Variants in USP32 observed in about 807,000 individuals in gnomAD.
USP32 encodes ubiquitin carboxyl-terminal hydrolase 32.
In USP32, 59 loss-of-function variants were observed where a neutral mutation model predicts 204.8. The ratio of observed to expected loss-of-function variants is 0.29; its 90% CI spans 0.23 to 0.36. The LOEUF is 0.36. Ranked by LOEUF, USP32 falls within the 10% of genes least tolerant of loss-of-function variation. USP32 has a pLI of 1.00. For missense variants in USP32, 1,160 were observed against 1,946.4 expected, an observed-to-expected ratio of 0.60 and a Z score of 7.60; for synonymous variants, 517 against 678.4, an observed-to-expected ratio of 0.76 and a Z score of 3.70.
intron 1 of USP32, among the ~76,000 whole-genome samples, chr17:60,409,405 C>T (rs906209186): frequency 4.6e-5 from 7 of 152,220 alleles, no homozygotes; most frequent in African/African-American, 1.4e-4. Context: ...CCTCTATGCA[C>T]GTCGGGCAGT....
chr17:60,223,512 G>C lies in USP32; in HGVS notation c.1507C>G (p.Gln503Glu). ...TTCCCATTGGCTCCCAGCAAACACT[G>C]GTTGTTATTGTCAGAAGTGTTATGT... ...RQHNTSDNNN[Q>E]CLLGANGNIL... The change falls in exon 14 of 34, where the codon CAG becomes GAG. Residue 503 changes from glutamine (Q) to glutamate (E), a missense_variant. Around this residue, in one of 8 missense-constraint regions of USP32, gnomAD observed 536 missense variants for 680.9 expected, o/e 0.79. Coordinates refer to ENST00000300896, the MANE Select transcript of USP32 (RefSeq NM_032582.4). The C allele has an allele frequency of 6.2e-7, 1 of 1,613,860 alleles. No homozygotes were observed. Among genetic ancestry groups the C allele is most frequent in the South Asian group, 1.1e-5 (1 of 91,030 alleles).
chr17:60,277,079 T>C (rs1034530837), intron 5 of USP32, among the ~76,000 whole-genome samples: 1 of 152,126 alleles, frequency 6.6e-6, no homozygotes, highest in African/African-American at 2.4e-5. Flanking sequence ...GTAGTTACTC[T>C]TTCTATTTGC....
intron 21 of USP32, among the ~76,000 whole-genome samples, 180 bp from the exon 22 acceptor site, chr17:60,209,723 A>AT (rs200079824): frequency 6.7e-6 from 1 of 150,358 alleles, no homozygotes; most frequent in African/African-American, 2.5e-5. Context: ...ATGTCAAATG[A>AT]CCCCCCCCAA....
At chr17:60,387,459 C>A (rs1049698811) in intron 1 of USP32, among the ~76,000 whole-genome samples, 1 of 152,192 alleles carries the variant, frequency 6.6e-6, no homozygotes, top group Non-Finnish European at 1.5e-5. Context: ...CAGAGACACC[C>A]ATACACACTC....
intron 1 of USP32, among the ~76,000 whole-genome samples, chr17:60,401,138 A>C (rs2089931664): frequency 6.6e-6 from 1 of 151,782 alleles, no homozygotes; most frequent in Non-Finnish European, 1.5e-5. Flanking sequence ...CCTGGGTGAC[A>C]GAAACAGAGC....
At chr17:60,377,884 A>C (rs990921185) in intron 1 of USP32, among the ~76,000 whole-genome samples, 1 of 152,228 alleles carries the variant, frequency 6.6e-6, no homozygotes. Context: ...CACAATCTGT[A>C]ACATTGTTTA....
At chr17:60,360,856 C>T (rs540676792) in intron 1 of USP32, among the ~76,000 whole-genome samples, 2 of 151,892 alleles carry the variant, frequency 1.3e-5, no homozygotes, top group African/African-American at 4.8e-5. Context: ...AGGCCGGGCG[C>T]GGTGGCTCAC....
rs142906462 is a variant in USP32 at position 60,259,601 on chromosome 17, T to C, written c.991-4343A>G. On this transcript the variant is annotated intron_variant, in intron 9 of 33. Transcript: ENST00000300896. ...TTACCATAAAATAACAAGTATGCAA[T>C]GATCATACAAATGCATGATAATAAA... Among the ~76,000 whole-genome samples, 649 of 152,294 alleles carry C rather than the reference T, an allele frequency of 4.3e-3. 5 individuals carry two copies. Among genetic ancestry groups the C allele is most frequent in the Non-Finnish European group, 6.9e-3 (467 of 68,032 alleles).
At position 60,398,765 on chromosome 17, in the gene USP32, G is replaced by A. The variant is rs144928841; in HGVS notation, c.106+23481C>T. ...GGCTGAGGCAAGAGGATTGATTGAG[G>A]TCAGGAGTTCAAGAACAGCCTGGGC... On this transcript the variant is annotated intron_variant, in intron 1 of 3. Coordinates refer to the USP32 transcript ENST00000588898. 3.5e-3 allele frequency among the ~76,000 whole-genome samples: 533 copies of A among 151,488 alleles called. 3 individuals are homozygous for A. The highest frequency in any genetic ancestry group is 0.012 in the African/African-American group (488 of 41,230).
intron 13 of USP32, among the ~76,000 whole-genome samples, chr17:60,224,572 G>C (rs1205324844): frequency 1.3e-5 from 2 of 152,132 alleles, no homozygotes; most frequent in Non-Finnish European, 2.9e-5. Flanking sequence ...ACTGCTTGAA[G>C]CCAGAAGACT....
chr17:60,335,139 A>AT (rs1430228622), intron 2 of USP32, among the ~76,000 whole-genome samples: 2 of 141,072 alleles, frequency 1.4e-5, no homozygotes, highest in East Asian at 2.0e-4. Context: ...CACCCAGCTA[A>AT]TTTTTTTTAT....
intron 1 of USP32, among the ~76,000 whole-genome samples, chr17:60,375,596 T>C (rs1368098167): frequency 6.7e-6 from 1 of 150,024 alleles, no homozygotes; most frequent in Non-Finnish European, 1.5e-5. Flanking sequence ...TTCTGGTGTT[T>C]TGTTGTTGTT....
At chr17:60,370,265 C>G (rs2089411225) in intron 1 of USP32, among the ~76,000 whole-genome samples, 1 of 151,712 alleles carries the variant, frequency 6.6e-6, no homozygotes, top group African/African-American at 2.4e-5. Context: ...ATGACAACAA[C>G]AAAGGACAAA....
rs537317501 is a variant in USP32 at position 60,247,350 on chromosome 17, T to C, written c.1136+5031A>G. 2.3e-3 allele frequency among the ~76,000 whole-genome samples: 352 copies of C among 151,994 alleles called. 5 individuals carry two copies. Among genetic ancestry groups the C allele is most frequent in the South Asian group, 4.2e-4 (2 of 4,804 alleles). On this transcript the variant is annotated intron_variant, in intron 11 of 33. Coordinates refer to ENST00000300896, the MANE Select transcript of USP32 (RefSeq NM_032582.4). ...GCCTGCCACCATACCCAACTAGTTT[T>C]TGTACTTTGAGTAGAGATAGGGTTT... is the stretch of plus-strand genomic sequence containing the variant.
chr17:60,249,595 G>T, intron 11 of USP32: 1 of 591,510 alleles, frequency 1.7e-6, no homozygotes, highest in South Asian at 2.1e-5. Flanking sequence ...TTCAAATCAT[G>T]AATCAGACTG....
At chr17:60,303,281 C>A (rs1033715933) in intron 2 of USP32, among the ~76,000 whole-genome samples, 3 of 152,062 alleles carry the variant, frequency 2.0e-5, no homozygotes, top group Non-Finnish European at 4.4e-5. Context: ...ACAAAAACAC[C>A]TTTATCCCTG....
intron 2 of USP32, among the ~76,000 whole-genome samples, chr17:60,327,727 G>A (rs1263946125): frequency 1.3e-5 from 2 of 152,224 alleles, no homozygotes; most frequent in Non-Finnish European, 2.9e-5. Flanking sequence ...GGGGTCCGGG[G>A]AAGTCCCCCT....
At chr17:60,408,272 T>G (rs1054854983) in intron 1 of USP32, among the ~76,000 whole-genome samples, 6 of 151,970 alleles carry the variant, frequency 3.9e-5, no homozygotes, top group Admixed American at 2.0e-4. Context: ...TAACTATATT[T>G]AAAGAAAAAC....
At chr17:60,327,294 G>A (rs906913149) in intron 2 of USP32, among the ~76,000 whole-genome samples, 14 of 152,170 alleles carry the variant, frequency 9.2e-5, no homozygotes, top group African/African-American at 3.1e-4. Context: ...GCTGCAGCAG[G>A]GAGACACAGG....
Sources: gnomAD v4.1 joint callset for allele counts (sites outside exome capture counted in the v4.1 genomes callset) on GRCh38, gnomAD v4.1.1 for gene constraint, gnomAD v4.1.1 regional missense constraint, MANE v1.5 for transcripts, NCBI Gene and HGNC (gene_info 2026-07-23, HGNC 2026-07-21) for gene names.